CACNG2: variants seen among roughly 807,000 people sequenced by gnomAD.
The protein encoded by CACNG2 is voltage-dependent calcium channel gamma-2 subunit.
Under a neutral mutation model 25.9 loss-of-function variants are expected in CACNG2, and 3 were observed. The observed-to-expected ratio is 0.12, with a 90% confidence interval of 0.05 to 0.30. The LOEUF (loss-of-function observed/expected upper bound fraction) is 0.30. Among genes scored for constraint, CACNG2 ranks in the 10% least tolerant of loss-of-function variants. The pLI, the probability that CACNG2 is intolerant of heterozygous loss-of-function variation, is 1.00. For missense variants in CACNG2, 341 were observed against 432.5 expected, an observed-to-expected ratio of 0.79 and a Z score of 1.88; for synonymous variants, 167 against 173.3, an observed-to-expected ratio of 0.96 and a Z score of 0.29.
At chr22:36,574,036 G>T (rs560638272) in intron 2 of CACNG2, among the ~76,000 whole-genome samples, 2 of 152,072 alleles carry the variant, frequency 1.3e-5, no homozygotes, top group Non-Finnish European at 2.9e-5. Context: ...AGCCAGTGGA[G>T]GAGTGTGGGG....
chr22:36,680,574 CCTTCATGAT>C (rs1937099126), intron 1 of CACNG2, among the ~76,000 whole-genome samples: 1 of 147,260 alleles, frequency 6.8e-6, no homozygotes, highest in Admixed American at 6.8e-5. Context: ...ATCAGCACCA[CCTTCATGAT>C]CACCACCACC....
At chr22:36,635,196 A>G (rs1188227945) in intron 1 of CACNG2, among the ~76,000 whole-genome samples, 1 of 151,528 alleles carries the variant, frequency 6.6e-6, no homozygotes, top group Non-Finnish European at 1.5e-5. Context: ...AGGCAGGAGA[A>G]TGGTGTGAAC....
At chr22:36,647,479 C>T (rs549063536) in intron 1 of CACNG2, among the ~76,000 whole-genome samples, 2 of 152,104 alleles carry the variant, frequency 1.3e-5, no homozygotes, top group East Asian at 1.9e-4. Flanking sequence ...TCCTATAATC[C>T]CAGCTACTCG....
chr22:36,648,771 CT>C (rs1257424143), intron 1 of CACNG2, among the ~76,000 whole-genome samples: 2 of 152,140 alleles, frequency 1.3e-5, no homozygotes, highest in Non-Finnish European at 2.9e-5. Context: ...ATCTTCTTTG[CT>C]TTTTTTCTTC....
intron 1 of CACNG2, among the ~76,000 whole-genome samples, chr22:36,615,315 G>A (rs1012990223): frequency 1.3e-5 from 2 of 152,320 alleles, no homozygotes; most frequent in African/African-American, 2.4e-5. Context: ...TGGATTTCCT[G>A]TATCTCATGG....
intron 1 of CACNG2, among the ~76,000 whole-genome samples, chr22:36,646,255 CT>C (rs1451526211): frequency 6.6e-6 from 1 of 152,142 alleles, no homozygotes; most frequent in Non-Finnish European, 1.5e-5. Flanking sequence ...AACTTACCCC[CT>C]GTCCTTTAAT....
chr22:36,612,258 T>C (rs149497842), intron 1 of CACNG2, among the ~76,000 whole-genome samples: 104 of 152,336 alleles, frequency 6.8e-4, no homozygotes, highest in African/African-American at 2.4e-3. Context: ...ATGATAAGTA[T>C]CTACTGGGGT....
At chr22:36,650,464 A>G (rs1416331261) in intron 1 of CACNG2, among the ~76,000 whole-genome samples, 1 of 151,920 alleles carries the variant, frequency 6.6e-6, no homozygotes, top group Non-Finnish European at 1.5e-5. Context: ...TCGACCTCCC[A>G]AGGCTCAAGA....
At chr22:36,574,262 C>T (rs567760583) in intron 2 of CACNG2, among the ~76,000 whole-genome samples, 12 of 152,252 alleles carry the variant, frequency 7.9e-5, no homozygotes, top group South Asian at 2.1e-4. Context: ...TGCAGCTGAT[C>T]GGAGAGGAGT....
At position 36,660,663 on chromosome 22, in the gene CACNG2, G is replaced by A. The variant is rs150883905; in HGVS notation, c.211+41703C>T. Among the ~76,000 whole-genome samples the A allele has an allele frequency of 4.6e-3, 701 of 152,326 alleles. 1 individual carries two copies. Among genetic ancestry groups the A allele is most frequent in the African/African-American group, 0.015 (635 of 41,562 alleles). On this transcript the variant is annotated intron_variant, in intron 1 of 3. Coordinates refer to ENST00000300105, the MANE Select transcript of CACNG2 (RefSeq NM_006078.5). The stretch of plus-strand genomic sequence containing the variant: ...GGTGAGGCGGGCGGGGCGGGGCAGC[G>A]TGTGCGCTTGGCTGTTTCACCCAGT...
Position 36,594,691 on chromosome 22 carries a change from CTGTGTGTGTGTCTGTGTGTGTGTGCA to C in CACNG2, c.212-7169_212-7144del, listed in dbSNP as rs1164150164. 4.6e-5 allele frequency among the ~76,000 whole-genome samples: 7 copies of C among 151,268 alleles called. No homozygotes were observed. The East Asian group carries it at 1.4e-3, about 29-fold the overall frequency. On this transcript the variant is annotated intron_variant, in intron 1 of 3. Coordinates refer to ENST00000300105, the MANE Select transcript of CACNG2 (RefSeq NM_006078.5). ...GGTCCGTGTATGCCCGCGTGTGTGT[CTGTGTGTGTGTCTGTGTGTGTGTGCA>C]TGTGTGTGTGTCTGTGTGTGCATGG...
intron 1 of CACNG2, among the ~76,000 whole-genome samples, chr22:36,591,245 G>A (rs1486939088): frequency 6.6e-6 from 1 of 151,886 alleles, no homozygotes; most frequent in Non-Finnish European, 1.5e-5. Flanking sequence ...GTTTCACTGT[G>A]GTCTCGATCT....
intron 2 of CACNG2, among the ~76,000 whole-genome samples, chr22:36,583,443 G>GA (rs111439765): frequency 0.062 from 9,151 of 146,436 alleles, 1,030 homozygotes; most frequent in African/African-American, 0.22. Context: ...AAAAAAAAAA[G>GA]AAAAAAAAAA....
intron 2 of CACNG2, among the ~76,000 whole-genome samples, chr22:36,586,036 C>T (rs1229905768): frequency 2.6e-5 from 4 of 152,374 alleles, no homozygotes; most frequent in East Asian, 1.9e-4. Context: ...CCTTGTGCTC[C>T]GGGAATGTGG....
chr22:36,657,441 G>A (rs1321612038), intron 1 of CACNG2, among the ~76,000 whole-genome samples: 3 of 152,182 alleles, frequency 2.0e-5, no homozygotes, highest in African/African-American at 7.2e-5. Flanking sequence ...GTCAGATAGA[G>A]GGGCCTGGCC....
intron 1 of CACNG2, among the ~76,000 whole-genome samples, chr22:36,620,091 T>TACAC (rs149716396): frequency 6.6e-6 from 1 of 151,528 alleles, no homozygotes; most frequent in Non-Finnish European, 1.5e-5. Flanking sequence ...AGCATGTGCA[T>TACAC]ACACACACAC....
chr22:36,564,288 G>T lies in CACNG2; in HGVS notation c.*63C>A, dbSNP rs1424321582. The T allele has an allele frequency of 9.1e-5, 113 of 1,241,524 alleles. No individual in the cohort carries two copies. In the African/African-American group the frequency reaches 1.0e-3, roughly 11 times the overall value. The allele number at this position is 1,241,524 out of a possible 1,614,324, so 76.9% of individuals were successfully genotyped here. ...CCCAGCGGAGGGTCTGGGTCTCCCC[G>T]CCCCGCCCCGCCCCCGGGGACCGCG... On this transcript the variant is annotated 3_prime_UTR_variant, in exon 4 of 4. Coordinates refer to ENST00000300105, the MANE Select transcript of CACNG2 (RefSeq NM_006078.5). This position sits in a 1 kb window ranked among gnomAD's most constrained non-coding sequence, Gnocchi z 6.7.
At chr22:36,622,557 A>G (rs1325631059) in intron 1 of CACNG2, among the ~76,000 whole-genome samples, 1 of 152,240 alleles carries the variant, frequency 6.6e-6, no homozygotes, top group African/African-American at 2.4e-5. Flanking sequence ...AAGCCAAAAT[A>G]TGCCGGGTGA....
In CACNG2 at chr22:36,575,007, G is replaced by A. The variant is rs1251511530; in HGVS notation, c.296-8514C>T. 3.3e-5 allele frequency among the ~76,000 whole-genome samples: 5 copies of A among 152,208 alleles called. No homozygotes were observed. In the East Asian group the frequency reaches 9.6e-4, roughly 29 times the overall value. On this transcript the variant is annotated intron_variant, in intron 2 of 3. Transcript: ENST00000300105. ...GAGAGCTTGCCTATGGATGAAGAGA[G>A]GCTTAGGCCTGAGGCTTGGGGAGCC...
Sources: allele counts gnomAD v4.1 joint callset (sites outside exome capture counted in the v4.1 genomes callset), GRCh38; gene constraint gnomAD v4.1.1; non-coding constraint Gnocchi (gnomAD v3.1); transcripts MANE v1.5; gene names NCBI Gene and HGNC (gene_info 2026-07-23, HGNC 2026-07-21).